ACIN1: variants seen among roughly 807,000 people sequenced by gnomAD.
ACIN1 encodes the protein apoptotic chromatin condensation inducer 1, also known as apoptotic chromatin condensation inducer in the nucleus.
Under a neutral mutation model 146.6 loss-of-function variants are expected in ACIN1, and 16 were observed. The observed-to-expected ratio is 0.11, with a 90% CI of 0.07 to 0.17. The LOEUF (loss-of-function observed/expected upper bound fraction) is 0.17. ACIN1 is among the 10% of genes least tolerant of loss of function. ACIN1 has a pLI of 1.00. For synonymous variants in ACIN1, 569 were observed against 582.7 expected (o/e 0.98, Z 0.34); for missense variants, 1,357 against 1,609.3 (o/e 0.84, Z 2.68).
intron 18 of ACIN1, among the ~76,000 whole-genome samples, chr14:23,060,139 G>A (rs1338689271): frequency 1.3e-5 from 2 of 151,384 alleles, no homozygotes; most frequent in Non-Finnish European, 2.9e-5. Flanking sequence ...TGTATTTTTA[G>A]TAGAGATGGG....
At position 23,090,085 on chromosome 14, in the gene ACIN1, C is replaced by T. The variant is rs769567653; in HGVS notation, c.333G>A (p.Ser111=). Residue 111 remains serine, a synonymous_variant, in exon 4 of 19, where the codon TCG becomes TCA. Coordinates refer to ENST00000605057, the MANE Select transcript of ACIN1 (RefSeq NM_001386863.1). ...AAELEEASAE[S]EDEMIHPEGV... is the part of the protein sequence containing the mutation. ...CCTCAGGATGGATCATCTCGTCCTC[C>T]GACTCAGCTGAAGCTTCTGCAAAGT... is the stretch of plus-strand genomic sequence containing the variant. The T allele has an allele frequency of 9.3e-6, 15 of 1,613,720 alleles. No homozygotes were observed. Among genetic ancestry groups the T allele is most frequent in the East Asian group, 6.7e-5 (3 of 44,896 alleles).
intron 4 of ACIN1, among the ~76,000 whole-genome samples, chr14:23,085,252 G>A (rs760706642): frequency 6.6e-6 from 1 of 151,982 alleles, no homozygotes; most frequent in Non-Finnish European, 1.5e-5. Flanking sequence ...GGAGAACGGC[G>A]TGAACCTGGA....
intron 1 of ACIN1, 60 bp downstream of exon 1, chr14:23,094,915 A>G (rs1181465181): frequency 6.6e-6 from 10 of 1,507,640 alleles, no homozygotes; most frequent in Non-Finnish European, 7.1e-6. Flanking sequence ...GCGCCGCGGC[A>G]GAGGCTCGTC....
intron 10 of ACIN1, among the ~76,000 whole-genome samples, chr14:23,065,220 T>C (rs369470690): frequency 1.4e-4 from 21 of 152,366 alleles, no homozygotes; most frequent in African/African-American, 4.3e-4. Flanking sequence ...GAGTTCCTCA[T>C]TGGGGAAAAT....
At chr14:23,066,100 G>A (rs2047446596) in intron 9 of ACIN1, 92 bp from the exon 10 acceptor site, 5 of 971,874 alleles carry the variant, frequency 5.1e-6, no homozygotes, top group Non-Finnish European at 8.1e-6. Flanking sequence ...TCTTAGCTTA[G>A]CCTCCAAAGA....
intron 4 of ACIN1, among the ~76,000 whole-genome samples, chr14:23,085,698 G>A (rs1311112978): frequency 1.3e-5 from 2 of 152,168 alleles, no homozygotes; most frequent in East Asian, 3.8e-4. Context: ...CTAGTTCCTT[G>A]GAAAGAGCTG....
intron 8 of ACIN1, among the ~76,000 whole-genome samples, chr14:23,073,656 C>T (rs962025026): frequency 2.0e-5 from 3 of 152,002 alleles, no homozygotes; most frequent in African/African-American, 7.2e-5. Context: ...AAAACTCCAT[C>T]TCAAAAAAAG....
chr14:23,077,389 C>T (rs972679395), intron 8 of ACIN1, among the ~76,000 whole-genome samples: 25 of 152,136 alleles, frequency 1.6e-4, no homozygotes, highest in African/African-American at 6.0e-4. Flanking sequence ...AATCTTATTC[C>T]CATAAGGCTT....
intron 8 of ACIN1, chr14:23,071,373 T>C (rs2047645016): frequency 7.8e-6 from 12 of 1,539,702 alleles, no homozygotes; most frequent in East Asian, 2.5e-5. Flanking sequence ...GTGGTGGTGG[T>C]GCGGGGAGGC....
intron 18 of ACIN1, among the ~76,000 whole-genome samples, chr14:23,059,954 C>A (rs2047220527): frequency 7.9e-6 from 1 of 126,602 alleles, no homozygotes; most frequent in Non-Finnish European, 1.7e-5. Context: ...CGCGCCCCGC[C>A]AGTTTTTTTT....
intron 16 of ACIN1, among the ~76,000 whole-genome samples, chr14:23,061,929 G>C (rs528528856): frequency 2.1e-5 from 3 of 142,242 alleles, no homozygotes; most frequent in Admixed American, 7.2e-5. Context: ...AGCTGAGATC[G>C]CGCCACTGCA....
chr14:23,061,852 T>C (rs951440581), intron 16 of ACIN1, among the ~76,000 whole-genome samples: 2 of 151,630 alleles, frequency 1.3e-5, no homozygotes, highest in African/African-American at 4.9e-5. Flanking sequence ...CGGGCGCCTG[T>C]AGTCCCAGCT....
rs1198672946 is a variant in ACIN1, at chr14:23,080,173, GGGCT to G, written c.1158_1161del (p.Ala387ProfsTer20). The stretch of plus-strand genomic sequence containing the variant: ...GGAGATAACTGAATGAGGACAGCGG[GGGCT>G]GGGCCTTCCATGGGCTCTATTTCTT... On this transcript the variant is annotated frameshift_variant, in exon 6 of 19. Transcript: ENST00000605057. LOFTEE classifies it high-confidence loss of function. 6.2e-7 allele frequency: 1 copy of G among 1,614,022 alleles called. No homozygotes were observed. Among genetic ancestry groups the G allele is most frequent in the East Asian group, 2.2e-5 (1 of 44,888 alleles).
upstream of ACIN1, chr14:23,095,140 G>A (rs377331801): frequency 2.5e-6 from 4 of 1,614,076 alleles, no homozygotes; most frequent in East Asian, 2.2e-5. Flanking sequence ...GGTCCGTCCC[G>A]ACGGCTTCGG....
In ACIN1 at chr14:23,058,948, T is replaced by A; in HGVS notation, c.*200A>T. 1.8e-6 allele frequency: 1 copy of A among 562,020 alleles called. No homozygotes were observed. The highest frequency in any genetic ancestry group is 2.6e-5 in the South Asian group (1 of 38,636). 34.8% of individuals were successfully genotyped at this position (562,020 alleles called of 1,614,324 possible). A position where few individuals can be genotyped will look rare whatever the true frequency, so the allele number is the denominator to read the frequency against. On this transcript the variant is annotated 3_prime_UTR_variant, in exon 19 of 19. Coordinates refer to ENST00000605057, the MANE Select transcript of ACIN1 (RefSeq NM_001386863.1). ...ACTTAATGGGAAATGAGAGGGAGGG[T>A]CGGGCTAAGTCCCAAGAGATAGGTT... is the stretch of plus-strand genomic sequence containing the variant.
intron 2 of ACIN1, among the ~76,000 whole-genome samples, chr14:23,092,379 G>T (rs8021030): frequency 4.3e-5 from 1 of 23,226 alleles, no homozygotes; most frequent in Non-Finnish European, 2.3e-4. Flanking sequence ...GCACAAACCC[G>T]GTGTTAATAA....
At chr14:23,095,321 C>G (rs781354858), upstream of ACIN1, 2 of 1,561,478 alleles carry the variant, frequency 1.3e-6, no homozygotes, top group Non-Finnish European at 1.7e-6. Flanking sequence ...CGCCCTGCAG[C>G]GCCCCTTTTC....
At chr14:23,072,180 G>A (rs1335186824) in intron 8 of ACIN1, among the ~76,000 whole-genome samples, 1 of 152,188 alleles carries the variant, frequency 6.6e-6, no homozygotes, top group East Asian at 1.9e-4. Context: ...GGATGGTGGA[G>A]GGAAGTGGAT....
At chr14:23,071,071 G>A (rs993787976) in intron 8 of ACIN1, 16 of 1,511,390 alleles carry the variant, frequency 1.1e-5, no homozygotes, top group East Asian at 2.5e-5. Context: ...GAAGGAAGAC[G>A]AAGGGAGCTA....
Sources: allele counts gnomAD v4.1 joint callset (sites outside exome capture counted in the v4.1 genomes callset), GRCh38; gene constraint gnomAD v4.1.1; transcripts MANE v1.5; gene names NCBI Gene and HGNC (gene_info 2026-07-23, HGNC 2026-07-21).